The following DMD variants were observed in gnomAD, a reference collection of about 807,000 sequenced individuals.
The protein encoded by DMD is dystrophin.
In DMD, 63 loss-of-function variants were observed where a neutral mutation model predicts 330.1. The observed-to-expected ratio is 0.19, with a 90% CI of 0.16 to 0.24. The LOEUF (loss-of-function observed/expected upper bound fraction) is 0.24. DMD is among the 10% of genes least tolerant of loss of function. The pLI is 1.00. For synonymous variants in DMD, 1,223 were observed against 959.8 expected (o/e 1.27, Z -5.07); for missense variants, 3,344 against 2,684.1 (o/e 1.25, Z -5.43).
At chrX:32,527,419 C>G (rs1036528532) in intron 17 of DMD, among the ~76,000 whole-genome samples, 3 of 110,800 alleles carry the variant, frequency 2.7e-5, no homozygotes, top group African/African-American at 9.9e-5. Context: ...TTTCCTGACC[C>G]TAAATCCCCA....
intron 1 of DMD, among the ~76,000 whole-genome samples, chrX:33,178,034 G>A (rs1242194191): frequency 8.9e-6 from 1 of 112,148 alleles, no homozygotes; most frequent in Admixed American, 9.5e-5. Context: ...CTAGTAACAC[G>A]GATGTATGCC....
intron 44 of DMD, among the ~76,000 whole-genome samples, chrX:32,006,854 T>G (rs1389936859): frequency 9.1e-6 from 1 of 109,773 alleles, no homozygotes; most frequent in East Asian, 2.9e-4. Context: ...TAAGAAAATG[T>G]GGCACATATA....
Position 32,287,573 on chromosome X carries a change from A to G in DMD, c.6246T>C (p.Asp2082=). ...TTTTGTTAACTTTTTCCCATTGGAA[A>G]TCAAGCTGGGAGAGAGCTTCCTGTA... ...VKLQEALSQL[D]FQWEKVNKMY... Residue 2082 remains aspartate (D), a synonymous_variant, in exon 43 of 79, where the codon GAT becomes GAC. Coordinates refer to ENST00000357033, the MANE Select transcript of DMD (RefSeq NM_004006.3). The G allele has an allele frequency of 2.5e-6, 3 of 1,211,288 alleles. No homozygotes were observed. The highest frequency in any genetic ancestry group is 3.4e-6 in the Non-Finnish European group (3 of 895,289).
intron 57 of DMD, among the ~76,000 whole-genome samples, chrX:31,487,264 T>TA (rs2146957636): frequency 9.1e-6 from 1 of 109,388 alleles, no homozygotes; most frequent in African/African-American, 3.3e-5. Context: ...TTAACACATT[T>TA]TTTTTTTTTT....
intron 1 of DMD, among the ~76,000 whole-genome samples, chrX:33,130,551 T>C (rs1320158902): frequency 9.3e-6 from 1 of 107,373 alleles, no homozygotes; most frequent in Non-Finnish European, 1.9e-5. Flanking sequence ...GGACTATATA[T>C]ATATATAAAT....
intron 55 of DMD, among the ~76,000 whole-genome samples, chrX:31,527,090 G>A (rs1189872108): frequency 9.0e-6 from 1 of 111,459 alleles, no homozygotes; most frequent in Non-Finnish European, 1.9e-5. Context: ...ACTCCAGCCT[G>A]GGTGACAGGG....
intron 2 of DMD, among the ~76,000 whole-genome samples, chrX:32,891,856 C>T (rs1261139859): frequency 9.0e-6 from 1 of 111,478 alleles, no homozygotes; most frequent in Non-Finnish European, 1.9e-5. Context: ...ATTTGAGGTT[C>T]CTCAAATCAT....
chrX:32,699,703 T>C (rs2063940300), intron 7 of DMD, among the ~76,000 whole-genome samples: 1 of 111,613 alleles, frequency 9.0e-6, no homozygotes, highest in South Asian at 3.7e-4. Context: ...CACAAAATGG[T>C]TTACCGCTTT....
At chrX:33,301,365 A>G (rs1603429528) in intron 1 of DMD, among the ~76,000 whole-genome samples, 1 of 104,937 alleles carries the variant, frequency 9.5e-6, no homozygotes, top group East Asian at 3.1e-4. Flanking sequence ...ATGCTTAGAA[A>G]TTATACTTCA....
At chrX:31,477,313 GA>G (rs1173323238) in intron 59 of DMD, among the ~76,000 whole-genome samples, 4 of 111,677 alleles carry the variant, frequency 3.6e-5, no homozygotes, top group Admixed American at 2.9e-4. Flanking sequence ...ACAGTTCCAT[GA>G]AAGCCAAGGA....
chrX:31,218,118 T>C (rs914058153), intron 64 of DMD, among the ~76,000 whole-genome samples: 16 of 111,668 alleles, frequency 1.4e-4, no homozygotes, highest in African/African-American at 4.9e-4. Flanking sequence ...GGAATTTTTT[T>C]TGAGCAGGAA....
intron 37 of DMD, among the ~76,000 whole-genome samples, chrX:32,354,404 C>T (rs1034213447): frequency 7.2e-5 from 8 of 110,708 alleles, no homozygotes; most frequent in Non-Finnish European, 1.3e-4. Flanking sequence ...AAGTAACACA[C>T]TATAGTACAG....
In DMD at chrX:32,551,024, C is replaced by T. The variant is rs1208972498; in HGVS notation, c.1993-5690G>A. Reference sequence around the variant, plus strand: ...CCCACCAACCAGAAAAAGCCCAGGACCAGACAGATTCACACCTGAATACTA... The same window carrying T: ...CCCACCAACCAGAAAAAGCCCAGGATCAGACAGATTCACACCTGAATACTA... On this transcript the variant is annotated intron_variant, in intron 16 of 78. Transcript: ENST00000357033. Among the ~76,000 whole-genome samples, 7 of 110,797 alleles carry T rather than the reference C, an allele frequency of 6.3e-5. No individual in the cohort carries two copies. In the East Asian group the frequency reaches 1.7e-3, roughly 27 times the overall value.
intron 30 of DMD, among the ~76,000 whole-genome samples, chrX:32,395,186 T>C (rs2098035059): frequency 9.0e-6 from 1 of 111,328 alleles, no homozygotes; most frequent in South Asian, 3.7e-4. Flanking sequence ...CAAATGGACA[T>C]TTGTGAGAAA....
intron 1 of DMD, among the ~76,000 whole-genome samples, chrX:33,094,344 A>G (rs1220689916): frequency 8.9e-6 from 1 of 111,792 alleles, no homozygotes; most frequent in African/African-American, 3.3e-5. Context: ...AAGACAAGGC[A>G]ATAGTTTCAG....
intron 63 of DMD, among the ~76,000 whole-genome samples, chrX:31,234,228 C>T (rs1462669335): frequency 8.9e-6 from 1 of 112,062 alleles, no homozygotes; most frequent in Non-Finnish European, 1.9e-5. Flanking sequence ...TTACATTTAC[C>T]CTTCAGTTAC....
chrX:31,508,349 T>C (rs2071160302), intron 55 of DMD: 2 of 930,384 alleles, frequency 2.1e-6, no homozygotes, highest in South Asian at 2.3e-5. Context: ...TACATTCTGT[T>C]GACAGAATGA....
chrX:31,721,681 T>C (rs867122796), intron 52 of DMD, among the ~76,000 whole-genome samples: 1 of 45,709 alleles, frequency 2.2e-5, no homozygotes, highest in African/African-American at 1.3e-4. Context: ...TCTCTCTCTC[T>C]CTCACTCTCT....
At chrX:31,135,182 C>T in intron 76 of DMD, among the ~76,000 whole-genome samples, 1 of 112,338 alleles carries the variant, frequency 8.9e-6, no homozygotes, top group East Asian at 2.8e-4. Context: ...TATTACTGCA[C>T]ACTTGCAGTG....
Sources: allele counts gnomAD v4.1 joint callset (sites outside exome capture counted in the v4.1 genomes callset), GRCh38; gene constraint gnomAD v4.1.1; transcripts MANE v1.5; gene names NCBI Gene and HGNC (gene_info 2026-07-23, HGNC 2026-07-21).